FER: variants seen among roughly 807,000 people sequenced by gnomAD.
FER encodes FER tyrosine kinase.
In FER, 63 loss-of-function variants were observed where a neutral mutation model predicts 111.0. That is an observed-to-expected ratio of 0.57 (90% CI 0.46 to 0.70). The LOEUF is 0.70. FER is among the 30% of genes least tolerant of loss of function. The probability of loss-of-function intolerance (pLI) is 0.00; values close to 1 mark genes in which losing one functional copy is unlikely to be tolerated. For missense variants in FER, 914 were observed against 954.0 expected (o/e 0.96, Z 0.55); for synonymous variants, 327 against 313.9 (o/e 1.04, Z -0.44).
rs569507654 is a variant in FER at position 109,052,438 on chromosome 5, A to C, written c.1924+5240A>C. ...TTGAACCTTGTCAAGGAGTTTGCCT[A>C]AAGTGCTCCAGTCACGCATGTTGCC... On this transcript the variant is annotated intron_variant, in intron 16 of 19. Transcript: ENST00000281092. 1.2e-5 allele frequency: 17 copies of C among 1,399,378 alleles called. No individual in the cohort carries two copies. The African/African-American group carries it at 2.1e-4, about 17-fold the overall frequency. The allele number at this position is 1,399,378 out of a possible 1,614,324, so 86.7% of individuals were successfully genotyped here.
chr5:108,791,204 C>T (rs1262623685), intron 2 of FER, among the ~76,000 whole-genome samples: 4 of 152,154 alleles, frequency 2.6e-5, no homozygotes, highest in South Asian at 2.1e-4. Context: ...CTATGTTTTA[C>T]GTTTCCAGGA....
At chr5:109,039,263 T>C (rs186382709) in intron 14 of FER, among the ~76,000 whole-genome samples, 1 of 151,790 alleles carries the variant, frequency 6.6e-6, no homozygotes, top group Non-Finnish European at 1.5e-5. Flanking sequence ...GTACTTGATA[T>C]ACAGTATCAG....
intron 1 of FER, among the ~76,000 whole-genome samples, chr5:108,757,376 T>TA (rs374543242): frequency 1.9e-3 from 284 of 152,228 alleles, no homozygotes; most frequent in African/African-American, 6.1e-3. Flanking sequence ...TGTTTCTTTG[T>TA]AAAAAAATTT....
At chr5:108,989,614 A>G (rs1196993012) in intron 13 of FER, among the ~76,000 whole-genome samples, 6 of 151,898 alleles carry the variant, frequency 4.0e-5, no homozygotes, top group Admixed American at 3.3e-4. Flanking sequence ...CTTAACTAAT[A>G]TTACATATGT....
In FER at chr5:109,043,111, G is replaced by T. The variant is rs187006936; in HGVS notation, c.1714-1569G>T. Among the ~76,000 whole-genome samples the T allele has an allele frequency of 1.5e-3, 230 of 152,258 alleles. 1 individual carries two copies. Among genetic ancestry groups the T allele is most frequent in the South Asian group, 2.9e-3 (14 of 4,818 alleles). Reference sequence around the variant, plus strand: ...AGACAAAAAGTATTATGGAGGTAGGGTCTGAATGCTTACAAGGCAAATGAT... The same window carrying T: ...AGACAAAAAGTATTATGGAGGTAGGTTCTGAATGCTTACAAGGCAAATGAT... On this transcript the variant is annotated intron_variant, in intron 14 of 19. Transcript: ENST00000281092.
chr5:108,805,411 A>G (rs1347534963), intron 3 of FER, among the ~76,000 whole-genome samples: 1 of 152,162 alleles, frequency 6.6e-6, no homozygotes, highest in African/African-American at 2.4e-5. Context: ...GTAAATTGGT[A>G]CCAGTAGAGT....
At chr5:108,883,088 T>C (rs1366859644) in intron 8 of FER, among the ~76,000 whole-genome samples, 1 of 151,988 alleles carries the variant, frequency 6.6e-6, no homozygotes, top group African/African-American at 2.4e-5. Context: ...CTCTTCTCTT[T>C]TCTTTACCTA....
At chr5:108,798,414 G>A (rs1207260222) in intron 3 of FER, 25 bp downstream of exon 3, 3 of 1,551,778 alleles carry the variant, frequency 1.9e-6, no homozygotes, top group Admixed American at 1.7e-5. Context: ...TTCACTCTTT[G>A]TTATTTATAA....
At chr5:108,828,830 T>A (rs1489689175) in intron 3 of FER, among the ~76,000 whole-genome samples, 1 of 152,214 alleles carries the variant, frequency 6.6e-6, no homozygotes, top group African/African-American at 2.4e-5. Context: ...CTGGGTGCAG[T>A]AGCTTACGCC....
At chr5:109,023,764 T>C (rs1173815585) in intron 13 of FER, among the ~76,000 whole-genome samples, 1 of 152,098 alleles carries the variant, frequency 6.6e-6, no homozygotes, top group Non-Finnish European at 1.5e-5. Context: ...ACAGTGCCTG[T>C]CACTTGATAG....
intron 13 of FER, among the ~76,000 whole-genome samples, chr5:108,980,245 A>T (rs1761877568): frequency 6.6e-6 from 1 of 152,158 alleles, no homozygotes; most frequent in African/African-American, 2.4e-5. Flanking sequence ...CATTTCAGCC[A>T]TGTACCATGC....
At chr5:109,108,870 G>T (rs1749267012) in intron 17 of FER, among the ~76,000 whole-genome samples, 1 of 152,122 alleles carries the variant, frequency 6.6e-6, no homozygotes, top group South Asian at 2.1e-4. Flanking sequence ...CAGAACTAGA[G>T]AACTCTAGCT....
chr5:108,996,075 T>C (rs1489202787), intron 13 of FER, among the ~76,000 whole-genome samples: 3 of 152,246 alleles, frequency 2.0e-5, no homozygotes, highest in Non-Finnish European at 4.4e-5. Context: ...TTTTGAGAAA[T>C]GTCTGTTCAT....
At chr5:108,862,567 ATAAG>A (rs1389026157) in intron 5 of FER, among the ~76,000 whole-genome samples, 5 of 152,220 alleles carry the variant, frequency 3.3e-5, no homozygotes, top group African/African-American at 9.6e-5. Context: ...AAATTTTTAA[ATAAG>A]AGGCAAAATA....
intron 5 of FER, among the ~76,000 whole-genome samples, chr5:108,845,635 G>A (rs1328155998): frequency 6.6e-6 from 1 of 151,212 alleles, no homozygotes; most frequent in Non-Finnish European, 1.5e-5. Flanking sequence ...TAATTGCCCT[G>A]GCTAGATCCT....
rs1754140325 is a variant in FER at position 109,146,253 on chromosome 5, A to AATATATATATATTATCTATCTAAT, written c.2049-34482_2049-34481insTATCTATCTAATATATATATATAT. On this transcript the variant is annotated intron_variant, in intron 17 of 19. Transcript: ENST00000281092. ...TATCTAATATATATATAATCTATCT[A>AATATATATATATTATCTATCTAAT]ATATATATATATATATATATATATA... 1.7e-3 allele frequency among the ~76,000 whole-genome samples: 72 copies of AATATATATATATTATCTATCTAAT among 42,110 alleles called. 1 individual carries two copies. Among genetic ancestry groups the AATATATATATATTATCTATCTAAT allele is most frequent in the South Asian group, 6.4e-3 (9 of 1,396 alleles). 27.6% of individuals were successfully genotyped at this position (42,110 alleles called of 152,430 possible).
chr5:109,122,398 G>A (rs953399030), intron 17 of FER, among the ~76,000 whole-genome samples: 1 of 151,682 alleles, frequency 6.6e-6, no homozygotes, highest in African/African-American at 2.4e-5. Flanking sequence ...TCTTGTTTTT[G>A]ATTTCTAGTT....
At chr5:108,796,515 G>A (rs1756035983) in intron 2 of FER, among the ~76,000 whole-genome samples, 1 of 152,160 alleles carries the variant, frequency 6.6e-6, no homozygotes, top group Admixed American at 6.5e-5. Context: ...TGTTAGCCAA[G>A]GAGTAGAGTC....
chr5:108,969,755 C>G (rs1390793738), intron 13 of FER, among the ~76,000 whole-genome samples: 1 of 147,550 alleles, frequency 6.8e-6, no homozygotes. Flanking sequence ...AATATTCATG[C>G]TATATATTGT....
Sources: allele counts gnomAD v4.1 joint callset (sites outside exome capture counted in the v4.1 genomes callset), GRCh38; gene constraint gnomAD v4.1.1; transcripts MANE v1.5; gene names NCBI Gene and HGNC (gene_info 2026-07-23, HGNC 2026-07-21).